LHFPL3: variants seen among roughly 807,000 people sequenced by gnomAD.
LHFPL3 encodes the protein LHFPL tetraspan subfamily member 3, also known as LHFPL tetraspan subfamily member 3 protein.
Under a neutral mutation model 19.3 loss-of-function variants are expected in LHFPL3, and 5 were observed. That is an observed-to-expected ratio of 0.26 (90% confidence interval 0.14 to 0.54). The LOEUF (loss-of-function observed/expected upper bound fraction) is 0.54. Ranked by LOEUF, LHFPL3 falls within the 20% of genes least tolerant of loss-of-function variation. LHFPL3 has a pLI of 0.94. For missense variants in LHFPL3, 249 were observed against 307.4 expected (o/e 0.81, Z 1.42); for synonymous variants, 133 against 126.2 (o/e 1.05, Z -0.36).
intron 1 of LHFPL3, among the ~76,000 whole-genome samples, chr7:104,654,214 C>A (rs552669721): frequency 6.6e-6 from 1 of 152,144 alleles, no homozygotes; most frequent in African/African-American, 2.4e-5. Context: ...CTGTCCATGA[C>A]GTCATGCTGG....
chr7:104,864,556 G>A (rs928642291), intron 2 of LHFPL3, among the ~76,000 whole-genome samples: 1 of 152,234 alleles, frequency 6.6e-6, no homozygotes, highest in Non-Finnish European at 1.5e-5. Context: ...CAAGGCAGCA[G>A]TGAGGCTGGG....
At chr7:104,886,354 G>A (rs1482285059) in intron 2 of LHFPL3, among the ~76,000 whole-genome samples, 6 of 152,020 alleles carry the variant, frequency 3.9e-5, no homozygotes, top group East Asian at 1.9e-4. Context: ...GGAGTTTTTC[G>A]TTGGTTTTAT....
At chr7:104,564,116 A>G (rs73409742) in intron 1 of LHFPL3, among the ~76,000 whole-genome samples, 10,063 of 152,214 alleles carry the variant, frequency 0.066, 514 homozygotes, top group African/African-American at 0.15. Context: ...AGAAAACTCA[A>G]GAATAGAGTG....
intron 2 of LHFPL3, among the ~76,000 whole-genome samples, chr7:104,795,088 A>G (rs1172984283): frequency 1.3e-5 from 2 of 152,222 alleles, no homozygotes; most frequent in Non-Finnish European, 1.5e-5. Flanking sequence ...ACCTGATTCT[A>G]CTAAGCCACC....
chr7:104,406,195 T>A (rs570730605), intron 1 of LHFPL3, among the ~76,000 whole-genome samples: 172 of 152,336 alleles, frequency 1.1e-3, no homozygotes, highest in African/African-American at 4.0e-3. Flanking sequence ...TGAGCTGGGA[T>A]CCACGAATGA....
intron 1 of LHFPL3, among the ~76,000 whole-genome samples, chr7:104,334,218 C>A (rs548113617): frequency 6.6e-6 from 1 of 152,008 alleles, no homozygotes; most frequent in Non-Finnish European, 1.5e-5. Flanking sequence ...AATGAATAAT[C>A]GGGTGAAGAA....
chr7:104,836,008 A>G (rs1584566125), intron 2 of LHFPL3, among the ~76,000 whole-genome samples: 1 of 152,114 alleles, frequency 6.6e-6, no homozygotes, highest in East Asian at 1.9e-4. Context: ...CAGAGAATTT[A>G]TCCTGGGTAG....
At chr7:104,463,623 A>G (rs1048864711) in intron 1 of LHFPL3, among the ~76,000 whole-genome samples, 2 of 152,204 alleles carry the variant, frequency 1.3e-5, no homozygotes, top group Non-Finnish European at 2.9e-5. Flanking sequence ...AAGCAAACAC[A>G]TCCTTCTTCA....
intron 1 of LHFPL3, among the ~76,000 whole-genome samples, chr7:104,492,712 A>G (rs992191804): frequency 4.6e-5 from 7 of 152,246 alleles, no homozygotes; most frequent in Admixed American, 3.3e-4. Context: ...TTTAAAGGAC[A>G]TTTGTCTTAT....
intron 1 of LHFPL3, among the ~76,000 whole-genome samples, chr7:104,427,585 T>C (rs1791873174): frequency 6.6e-6 from 1 of 152,180 alleles, no homozygotes; most frequent in South Asian, 2.1e-4. Flanking sequence ...AAACCACATA[T>C]CTCAAAAAAC....
At chr7:104,715,109 C>T (rs755877047) in intron 1 of LHFPL3, among the ~76,000 whole-genome samples, 1 of 152,174 alleles carries the variant, frequency 6.6e-6, no homozygotes, top group Admixed American at 6.5e-5. Flanking sequence ...CAAGACCAGC[C>T]TGAGCAGCAT....
chr7:104,506,740 C>T (rs1351297181), intron 1 of LHFPL3, among the ~76,000 whole-genome samples: 2 of 152,104 alleles, frequency 1.3e-5, no homozygotes, highest in Admixed American at 1.3e-4. Context: ...TCATGGAACG[C>T]AAGGAAGGTA....
chr7:104,679,639 C>T (rs74993078), intron 1 of LHFPL3, among the ~76,000 whole-genome samples: 7,031 of 152,240 alleles, frequency 0.046, 177 homozygotes, highest in African/African-American at 0.058. Context: ...AGATTTGAAG[C>T]CAAATGACAG....
intron 1 of LHFPL3, among the ~76,000 whole-genome samples, chr7:104,435,002 C>A (rs1306713120): frequency 1.3e-5 from 2 of 152,034 alleles, no homozygotes; most frequent in Admixed American, 6.6e-5. Flanking sequence ...GTTTTGTTTG[C>A]ATCTGGAATG....
At chr7:104,463,404 A>C (rs1479410418) in intron 1 of LHFPL3, among the ~76,000 whole-genome samples, 3 of 152,214 alleles carry the variant, frequency 2.0e-5, no homozygotes, top group African/African-American at 7.2e-5. Flanking sequence ...ACACTGCCTT[A>C]GCTGTATCCC....
intron 1 of LHFPL3, among the ~76,000 whole-genome samples, chr7:104,547,565 C>T (rs1029649510): frequency 7.9e-5 from 12 of 152,098 alleles, no homozygotes; most frequent in Non-Finnish European, 1.8e-4. Flanking sequence ...AATATAAAAG[C>T]AGCTTTCGTG....
chr7:104,846,742 C>G (rs181813131), intron 2 of LHFPL3, among the ~76,000 whole-genome samples: 1 of 152,148 alleles, frequency 6.6e-6, no homozygotes, highest in Non-Finnish European at 1.5e-5. Flanking sequence ...AGGCTACATC[C>G]CGAAAAGGAC....
In LHFPL3 at chr7:104,511,549, A is replaced by G. The variant is rs1793812869; in HGVS notation, c.445+182325A>G. 2.0e-5 allele frequency among the ~76,000 whole-genome samples: 3 copies of G among 152,242 alleles called. No individual in the cohort carries two copies. In the South Asian group the frequency reaches 6.2e-4, roughly 32 times the overall value. On this transcript the variant is annotated intron_variant, in intron 1 of 2. Transcript: ENST00000424859. ...ATGGCAGCTTCATTCATAATAACCA[A>G]TAATTGGAAGCAACCCAGATGTCTT...
At chr7:104,333,962 A>G (rs943534448) in intron 1 of LHFPL3, among the ~76,000 whole-genome samples, 3 of 152,160 alleles carry the variant, frequency 2.0e-5, no homozygotes, top group African/African-American at 4.8e-5. Flanking sequence ...TAATCTTCCT[A>G]TGCTTTAGTT....
Sources: gnomAD v4.1 joint callset for allele counts (sites outside exome capture counted in the v4.1 genomes callset) on GRCh38, gnomAD v4.1.1 for gene constraint, MANE v1.5 for transcripts, NCBI Gene and HGNC (gene_info 2026-07-23, HGNC 2026-07-21) for gene names.